SLC2A7: variants seen among roughly 807,000 people sequenced by gnomAD.
SLC2A7 encodes the protein solute carrier family 2 member 7.
A neutral mutation model predicts 50.5 loss-of-function variants in SLC2A7; 50 were observed. That is an observed-to-expected ratio of 0.99 (90% CI 0.79 to 1.25). SLC2A7 has a LOEUF of 1.25. SLC2A7 is among the 50% of genes most tolerant of loss of function. The pLI is 0.00. For synonymous variants in SLC2A7, 308 were observed against 300.4 expected, an observed-to-expected ratio of 1.03 and a Z score of -0.26; for missense variants, 683 against 679.1, an observed-to-expected ratio of 1.01 and a Z score of -0.06.
intron 11 of SLC2A7, 33 bp downstream of exon 11, chr1:9,004,719 G>T: frequency 6.2e-7 from 1 of 1,612,784 alleles, no homozygotes; most frequent in Non-Finnish European, 8.5e-7. Flanking sequence ...TGGAGGCCCG[G>T]TGGAGCGGGT....
chr1:9,007,273 A>G (rs749431692), intron 10 of SLC2A7, 37 bp downstream of exon 10: 7 of 1,609,816 alleles, frequency 4.3e-6, no homozygotes, highest in African/African-American at 2.7e-5. Context: ...GGAATGGACC[A>G]GGATGGCCGG....
At chr1:9,011,318 T>C (rs1037095752) in intron 8 of SLC2A7, among the ~76,000 whole-genome samples, 1 of 152,200 alleles carries the variant, frequency 6.6e-6, no homozygotes. Context: ...TCCTGATCTG[T>C]TGGCCTCACC....
At chr1:9,014,039 C>G (rs1425564230) in intron 7 of SLC2A7, among the ~76,000 whole-genome samples, 1 of 152,242 alleles carries the variant, frequency 6.6e-6, no homozygotes, top group Admixed American at 6.5e-5. Flanking sequence ...AGGACATTGG[C>G]ACAAACAGCC....
intron 8 of SLC2A7, among the ~76,000 whole-genome samples, 162 bp downstream of exon 8, chr1:9,013,363 G>A (rs1237129261): frequency 6.6e-6 from 1 of 152,196 alleles, no homozygotes; most frequent in Non-Finnish European, 1.5e-5. Flanking sequence ...TCTGGTCAAA[G>A]TCATGCAGGT....
In SLC2A7 at chr1:9,008,220, A is replaced by G. The variant is rs568632533; in HGVS notation, c.1117-835T>C. ...GGAACCCTGTAGTCACAGTTATGAGACGGCCTCAAGGGACAAGTTGGCAGC... is the reference window on the plus strand; with the variant it reads ...GGAACCCTGTAGTCACAGTTATGAGGCGGCCTCAAGGGACAAGTTGGCAGC... On this transcript the variant is annotated intron_variant, in intron 9 of 11. Transcript: ENST00000400906. This position sits in a 1 kb window ranked among gnomAD's most constrained non-coding sequence, Gnocchi z 5.9. Among the ~76,000 whole-genome samples, 1 of 152,224 alleles carries G rather than the reference A, an allele frequency of 6.6e-6. No individual in the cohort carries two copies. The highest frequency in any genetic ancestry group is 1.9e-4 in the East Asian group (1 of 5,170).
chr1:9,023,968 G>C (rs1472441306), intron 2 of SLC2A7, among the ~76,000 whole-genome samples: 1 of 143,992 alleles, frequency 6.9e-6, no homozygotes, highest in African/African-American at 2.6e-5. Flanking sequence ...TGATTCTCCT[G>C]TCTCAGCCTC....
Position 9,025,097 on chromosome 1 carries a change from C to G in SLC2A7, c.52-23G>C, listed in dbSNP as rs773845340. 3.7e-6 allele frequency: 6 copies of G among 1,611,862 alleles called. No homozygotes were observed. In the South Asian group the frequency reaches 5.5e-5, roughly 15 times the overall value. On this transcript the variant is annotated intron_variant, in intron 1 of 11. Transcript: ENST00000400906. Reference sequence around the variant, plus strand: ...CCGCTGTAGGAGACAAGTCCAAGGTCGGGACGCTGTGGGCTTGGGCCTCGG... The same window carrying G: ...CCGCTGTAGGAGACAAGTCCAAGGTGGGGACGCTGTGGGCTTGGGCCTCGG...
chr1:9,014,806 C>T lies in SLC2A7; in HGVS notation c.778G>A (p.Ala260Thr), dbSNP rs202111875. 17 of 1,604,102 alleles carry T rather than the reference C, an allele frequency of 1.1e-5. No homozygotes were observed. Among genetic ancestry groups the T allele is most frequent in the East Asian group, 2.3e-5 (1 of 44,374 alleles). The change falls in exon 7 of 12, where the codon GCC becomes ACC. Residue 260 changes from alanine to threonine, a missense_variant. Transcript: ENST00000400906. ...EAELEDMRAE[A>T]RAERAEGHLS... ...TGGCCCTCGGCGCGCTCGGCCCGGGCCTCCGCACGCATGTCCTCCAGCTCG... is the reference window on the plus strand; with the variant it reads ...TGGCCCTCGGCGCGCTCGGCCCGGGTCTCCGCACGCATGTCCTCCAGCTCG...
intron 3 of SLC2A7, among the ~76,000 whole-genome samples, chr1:9,020,682 T>C (rs1319670080): frequency 6.6e-6 from 1 of 150,888 alleles, no homozygotes; most frequent in Non-Finnish European, 1.5e-5. Flanking sequence ...TCTCTTTTTT[T>C]TTTTTTTGAG....
intron 9 of SLC2A7, among the ~76,000 whole-genome samples, chr1:9,007,586 A>G (rs765582963): frequency 9.9e-5 from 15 of 152,214 alleles, no homozygotes; most frequent in Admixed American, 5.9e-4. Flanking sequence ...GGCTCCCTCC[A>G]GCCTCACCTG....
chr1:8,997,469 C>T, the SLC2A7 span, among the ~76,000 whole-genome samples: 5 of 152,014 alleles, frequency 3.3e-5, no homozygotes, highest in African/African-American at 1.2e-4. Flanking sequence ...GGCACAATCT[C>T]GGTTCACTGC....
chr1:9,022,989 G>C lies in SLC2A7; in HGVS notation c.240C>G (p.Thr80=). Reference sequence around the variant, plus strand: ...GGCCGCCCAGAGGAAACATGGAGACGGTGCAAGACCATAGAAGCAGCATGA... The same window carrying C: ...GGCCGCCCAGAGGAAACATGGAGACCGTGCAAGACCATAGAAGCAGCATGA... ...GKLMLLLWSC[T]VSMFPLGGLL... The change falls in exon 3 of 12, where the codon ACC becomes ACG. Residue 80 remains threonine (T), a synonymous_variant. Transcript: ENST00000400906. The C allele has an allele frequency of 6.2e-7, 1 of 1,614,154 alleles. No individual in the cohort carries two copies. Among genetic ancestry groups the C allele is most frequent in the Admixed American group, 1.7e-5 (1 of 60,020 alleles).
intron 2 of SLC2A7, among the ~76,000 whole-genome samples, chr1:9,023,838 CTTTTTTTTTTTTTTTT>C (rs1162143987): frequency 1.1e-3 from 19 of 17,154 alleles, no homozygotes; most frequent in Middle Eastern, 0.05. Flanking sequence ...TATTCTTCTT[CTTTTTTTTTTTTTTTT>C]TTTTTTTTTT....
chr1:9,014,101 A>G (rs1640790231), intron 7 of SLC2A7, among the ~76,000 whole-genome samples: 1 of 152,210 alleles, frequency 6.6e-6, no homozygotes, highest in South Asian at 2.1e-4. Context: ...CACCTGGGCC[A>G]TCTACCCTCC....
intron 10 of SLC2A7, among the ~76,000 whole-genome samples, chr1:9,005,918 C>T (rs1640647445): frequency 6.6e-6 from 1 of 152,182 alleles, no homozygotes; most frequent in Non-Finnish European, 1.5e-5. Context: ...TGACTTGGGG[C>T]CCGGGCCCCT....
rs894401913 is a variant in SLC2A7 at position 9,003,432 on chromosome 1, G to T, written c.1407C>A (p.Thr469=). 6.2e-7 allele frequency: 1 copy of T among 1,614,170 alleles called. No individual in the cohort carries two copies. Among genetic ancestry groups the T allele is most frequent in the Non-Finnish European group, 8.5e-7 (1 of 1,180,036 alleles). ...TTATCTCCACAAATGTTTTGCCCTTGGTCTCCGGAATAACCACGTAGATGT... is the reference window on the plus strand; with the variant it reads ...TTATCTCCACAAATGTTTTGCCCTTTGTCTCCGGAATAACCACGTAGATGT... The part of the protein sequence containing the change: ...AIYIYVVIPE[T]KGKTFVEINR... Residue 469 remains threonine, a synonymous_variant, in exon 12 of 12, where the codon ACC becomes ACA. Transcript: ENST00000400906.
rs1216454528 is a variant in SLC2A7 at position 9,013,578 on chromosome 1, G to T, written c.961C>A (p.Gln321Lys). 5.0e-6 allele frequency: 8 copies of T among 1,614,094 alleles called. No individual in the cohort carries two copies. Among genetic ancestry groups the T allele is most frequent in the Non-Finnish European group, 6.8e-6 (8 of 1,180,020 alleles). ...TSAGVEAAHS[Q>K]YVTVGSGVVN... is the part of the protein sequence containing the mutation. ...ACGCCAGAGCCCACCGTTACATATT[G>T]GGAGTGAGCGGCCTCCACGCCCGCA... The change falls in exon 8 of 12, where the codon CAA (glutamine) becomes AAA (lysine). Residue 321 changes from glutamine (Q) to lysine (K), a missense_variant. Transcript: ENST00000400906.
intron 3 of SLC2A7, among the ~76,000 whole-genome samples, chr1:9,022,017 C>A (rs961286778): frequency 2.0e-5 from 3 of 152,082 alleles, no homozygotes; most frequent in Non-Finnish European, 2.9e-5. Context: ...TTCTTTCCAG[C>A]GCATAATGTA....
At chr1:9,025,322 C>T (rs1326487216) in intron 1 of SLC2A7, among the ~76,000 whole-genome samples, 1 of 152,204 alleles carries the variant, frequency 6.6e-6, no homozygotes, top group Non-Finnish European at 1.5e-5. Context: ...GTACTAGGCC[C>T]TGGAGGCCAA....
Sources: gnomAD v4.1 joint callset for allele counts (sites outside exome capture counted in the v4.1 genomes callset) on GRCh38, gnomAD v4.1.1 for gene constraint, Gnocchi (gnomAD v3.1) non-coding constraint, MANE v1.5 for transcripts, NCBI Gene and HGNC (gene_info 2026-07-23, HGNC 2026-07-21) for gene names.